Variants in PLCE1 observed in about 807,000 individuals in gnomAD.
The protein encoded by PLCE1 is 1-phosphatidylinositol 4,5-bisphosphate phosphodiesterase epsilon-1.
PLCE1 carries 119 observed loss-of-function variants against 242.8 expected under a neutral mutation model. The ratio of observed to expected loss-of-function variants is 0.49; its 90% confidence interval spans 0.42 to 0.57. PLCE1 has a LOEUF of 0.57. Ranked by LOEUF, PLCE1 falls within the 20% of genes least tolerant of loss-of-function variation. The pLI, the probability that PLCE1 is intolerant of heterozygous loss-of-function variation, is 0.00. For synonymous variants in PLCE1, 945 were observed against 1,017.4 expected (o/e 0.93, Z 1.35); for missense variants, 2,441 against 2,788.8 (o/e 0.88, Z 2.81).
At position 94,031,288 on chromosome 10, in the gene PLCE1, T is replaced by G. The variant is rs1456154904; in HGVS notation, c.242T>G (p.Val81Gly). ...KILSIAREKI[V>G]SDENSNEKCW... ...CTCTCAATAGCGAGGGAGAAAATAG[T>G]GAGTGATGAGAACAGTAATGAAAAA... is the stretch of plus-strand genomic sequence containing the variant. The change falls in exon 2 of 33, where the codon GTG becomes GGG. Residue 81 changes from valine (V) to glycine (G), a missense_variant. This residue lies in a region of PLCE1 where 393 missense variants were observed against 378.5 expected (regional missense o/e 1.04). Transcript: ENST00000371380. 1 of 1,613,674 alleles carries G rather than the reference T, an allele frequency of 6.2e-7. No individual in the cohort carries two copies. The highest frequency in any genetic ancestry group is 2.2e-5 in the East Asian group (1 of 44,878).
Position 94,069,516 on chromosome 10 carries a change from G to C in PLCE1, c.1206+37264G>C, listed in dbSNP as rs188015065. Among the ~76,000 whole-genome samples the C allele has an allele frequency of 1.3e-4, 20 of 152,304 alleles. No individual in the cohort carries two copies. The East Asian group carries it at 3.3e-3, about 25-fold the overall frequency. ...TAGTCCGAGCTACTCCGGAGCCTGA[G>C]GCAGGAGAATCACTTGAACTTGGGA... is the stretch of plus-strand genomic sequence containing the variant. On this transcript the variant is annotated intron_variant, in intron 2 of 32. Transcript: ENST00000371380.
intron 28 of PLCE1, among the ~76,000 whole-genome samples, chr10:94,313,783 G>A (rs2053472549): frequency 6.6e-6 from 1 of 152,100 alleles, no homozygotes; most frequent in African/African-American, 2.4e-5. Context: ...TGCACATTAG[G>A]TGAATGGAAT....
At chr10:94,239,771 A>G (rs1157765330) in intron 7 of PLCE1, among the ~76,000 whole-genome samples, 1 of 152,238 alleles carries the variant, frequency 6.6e-6, no homozygotes, top group African/African-American at 2.4e-5. Context: ...AAGCATGAGA[A>G]AGTAGAATAT....
chr10:94,270,006 A>G (rs1318769679), intron 17 of PLCE1, among the ~76,000 whole-genome samples: 1 of 152,224 alleles, frequency 6.6e-6, no homozygotes, highest in Non-Finnish European at 1.5e-5. Context: ...TTGGTTTCCT[A>G]TTTAGCATTC....
At chr10:94,223,624 TGGA>T (rs1171136523) in intron 4 of PLCE1, among the ~76,000 whole-genome samples, 1 of 152,090 alleles carries the variant, frequency 6.6e-6, no homozygotes, top group Non-Finnish European at 1.5e-5. Flanking sequence ...GGGGCAGTTG[TGGA>T]GGAGTTGTGG....
rs925663277 is a variant in PLCE1, at chr10:94,259,044, G to T, written c.3708G>T (p.Leu1236=). ...GGAGCCGCAAGGACCTGAAGGATCT[G>T]TTTGATGTCTATGCAGTGCCCTGCA... The part of the protein sequence containing the change: ...SVRSRKDLKD[L]FDVYAVPCNR... Residue 1236 remains leucine (L), a synonymous_variant, in exon 13 of 33, where the codon CTG becomes CTT. Transcript: ENST00000371380. The T allele has an allele frequency of 3.1e-6, 5 of 1,614,008 alleles. No homozygotes were observed. The African/African-American group carries it at 6.7e-5, about 22-fold the overall frequency.
In PLCE1 at chr10:94,306,686, G is replaced by A. The variant is rs369203569; in HGVS notation, c.5882G>A (p.Arg1961Gln). Residue 1961 changes from arginine to glutamine, a missense_variant and splice_region_variant, in exon 26 of 33, where the codon CGA becomes CAA. Coordinates refer to ENST00000371380, the MANE Select transcript of PLCE1 (RefSeq NM_016341.4). The surrounding 1 kb of genome is among the most constrained non-coding windows in gnomAD (Gnocchi z 5.7). ...ATCATTCCACTGAAAGCTTTAAAAC[G>A]AGGTAGAATAAAATTGTCCAAATGT... ...QRIIPLKALK[R>Q]GYRHLQLRNL... is the part of the protein sequence containing the mutation. 41 of 1,611,980 alleles carry A rather than the reference G, an allele frequency of 2.5e-5. 1 individual carries two copies. Among genetic ancestry groups the A allele is most frequent in the Non-Finnish European group, 2.5e-5 (30 of 1,178,570 alleles).
intron 27 of PLCE1, among the ~76,000 whole-genome samples, chr10:94,310,097 A>G (rs1480270838): frequency 1.3e-5 from 2 of 152,246 alleles, no homozygotes; most frequent in African/African-American, 2.4e-5. Flanking sequence ...TTAAACATAC[A>G]TTTTAAAAGT....
rs370887760 is a variant in PLCE1, at chr10:94,171,388, A to G, written c.1701A>G (p.Glu567=). 6.8e-6 allele frequency: 11 copies of G among 1,614,048 alleles called. No individual in the cohort carries two copies. The highest frequency in any genetic ancestry group is 9.3e-6 in the Non-Finnish European group (11 of 1,180,000). The change falls in exon 4 of 33, where the codon GAA becomes GAG. Residue 567 remains glutamate (E), a synonymous_variant. Transcript: ENST00000371380. ...CFLTRDLGTP[E]CQSSLPCLKA... ...TAACACGGGACTTGGGCACTCCTGA[A>G]TGCCAGAGCTCCTTGCCCTGCCTCA...
chr10:94,014,512 A>AAAAAAT (rs1421000426), intron 1 of PLCE1, among the ~76,000 whole-genome samples: 1 of 151,764 alleles, frequency 6.6e-6, no homozygotes, highest in African/African-American at 2.4e-5. Context: ...TCATGTCTCT[A>AAAAAAT]AAAAATAAAA....
intron 2 of PLCE1, among the ~76,000 whole-genome samples, chr10:94,118,913 G>A (rs1487202975): frequency 6.6e-6 from 1 of 151,978 alleles, no homozygotes; most frequent in South Asian, 2.1e-4. Flanking sequence ...CCATTTTTTT[G>A]TAGTTCCCCA....
chr10:94,313,401 G>C lies in PLCE1; in HGVS notation c.6132+19G>C. On this transcript the variant is annotated intron_variant, in intron 28 of 32. Transcript: ENST00000371380. ...GCAGCAAGTAAGTCCACTGAGCCGTGGTTGGGAGAATCCAAAATCTAAGAT... is the reference window on the plus strand; with the variant it reads ...GCAGCAAGTAAGTCCACTGAGCCGTCGTTGGGAGAATCCAAAATCTAAGAT... 6.2e-7 allele frequency: 1 copy of C among 1,614,086 alleles called. No individual in the cohort carries two copies. The highest frequency in any genetic ancestry group is 1.7e-5 in the Admixed American group (1 of 60,024).
chr10:94,267,786 C>G (rs1239299540), intron 16 of PLCE1, among the ~76,000 whole-genome samples: 1 of 152,146 alleles, frequency 6.6e-6, no homozygotes, highest in Non-Finnish European at 1.5e-5. Context: ...CCTCTAGATA[C>G]TCTAGCTGCT....
chr10:94,009,983 C>T (rs368220101), intron 1 of PLCE1, among the ~76,000 whole-genome samples: 155 of 152,336 alleles, frequency 1.0e-3, no homozygotes, highest in South Asian at 2.5e-3. Context: ...AGGTACAAAA[C>T]ACTGTGGGGG....
intron 2 of PLCE1, chr10:94,107,235 G>C (rs554918032): frequency 1.4e-4 from 21 of 152,102 alleles, no homozygotes; most frequent in Non-Finnish European, 2.1e-4. Context: ...GGAACAAAGA[G>C]TTACAAAGGA....
intron 1 of PLCE1, among the ~76,000 whole-genome samples, chr10:94,024,880 C>T (rs1366357448): frequency 1.3e-5 from 2 of 152,052 alleles, no homozygotes; most frequent in African/African-American, 2.4e-5. Context: ...GTCATTCAAG[C>T]ATTCTGAGCC....
chr10:94,288,520 A>T (rs943901875), intron 22 of PLCE1, among the ~76,000 whole-genome samples: 1 of 152,170 alleles, frequency 6.6e-6, no homozygotes, highest in East Asian at 1.9e-4. Flanking sequence ...TAACATACCC[A>T]GTCTCAGGCC....
chr10:94,143,447 T>C (rs2047028655), intron 3 of PLCE1, among the ~76,000 whole-genome samples: 1 of 152,224 alleles, frequency 6.6e-6, no homozygotes, highest in Admixed American at 6.5e-5. Context: ...TGTTTATTGT[T>C]TTTAAAGAGT....
At chr10:94,240,360 C>A (rs2050462436) in intron 7 of PLCE1, among the ~76,000 whole-genome samples, 1 of 152,050 alleles carries the variant, frequency 6.6e-6, no homozygotes, top group African/African-American at 2.4e-5. Flanking sequence ...TCATAGCTAG[C>A]AGGGCCAGGA....
Sources: allele counts gnomAD v4.1 joint callset (sites outside exome capture counted in the v4.1 genomes callset), GRCh38; gene constraint gnomAD v4.1.1; regional missense constraint gnomAD v4.1.1; non-coding constraint Gnocchi (gnomAD v3.1); transcripts MANE v1.5; gene names NCBI Gene and HGNC (gene_info 2026-07-23, HGNC 2026-07-21).